The following RSRC1 variants were observed in gnomAD, a reference collection of about 807,000 sequenced individuals.
The protein encoded by RSRC1 is arginine and serine rich coiled-coil 1.
RSRC1 carries 39 observed loss-of-function variants against 49.1 expected under a neutral mutation model. The observed-to-expected ratio is 0.79, with a 90% CI of 0.61 to 1.04. The LOEUF is 1.04. RSRC1 is among the 50% of genes least tolerant of loss of function. The pLI is 0.00. For missense variants in RSRC1, 388 were observed against 402.4 expected (o/e 0.96, Z 0.31); for synonymous variants, 143 against 130.8 (o/e 1.09, Z -0.63).
At chr3:158,248,840 C>T (rs1395645866) in intron 4 of RSRC1, among the ~76,000 whole-genome samples, 11 of 151,802 alleles carry the variant, frequency 7.2e-5, no homozygotes, top group African/African-American at 2.4e-4. Flanking sequence ...TCAAGTGATC[C>T]GCCTGCCCAG....
intron 4 of RSRC1, among the ~76,000 whole-genome samples, chr3:158,277,161 T>G (rs1239527604): frequency 6.6e-6 from 1 of 152,226 alleles, no homozygotes; most frequent in Non-Finnish European, 1.5e-5. Flanking sequence ...CAACTTTGTG[T>G]AATTAAAATG....
At chr3:158,170,741 G>A (rs1198606301) in intron 3 of RSRC1, among the ~76,000 whole-genome samples, 2 of 152,158 alleles carry the variant, frequency 1.3e-5, no homozygotes, top group Non-Finnish European at 2.9e-5. Flanking sequence ...TATGGGGAAA[G>A]GAGATCCTGT....
rs548759510 is a variant in RSRC1 at position 158,127,010 on chromosome 3, CT to C, written c.320+3021del. 1.1e-4 allele frequency among the ~76,000 whole-genome samples: 17 copies of C among 152,160 alleles called. No individual in the cohort carries two copies. The South Asian group carries it at 2.7e-3, about 24-fold the overall frequency. On this transcript the variant is annotated intron_variant, in intron 3 of 9. Coordinates refer to ENST00000611884, the MANE Select transcript of RSRC1 (RefSeq NM_001271838.2). ...ATTGCTGAAATCTTATGAAAGCTCC[CT>C]TGTGTATGACGATTTACTTTTCTCT...
At chr3:158,345,910 G>A (rs975574333) in intron 5 of RSRC1, among the ~76,000 whole-genome samples, 1 of 150,482 alleles carries the variant, frequency 6.6e-6, no homozygotes, top group Non-Finnish European at 1.5e-5. Context: ...TCAGTTAAGT[G>A]GAAAAAAGAT....
At chr3:158,453,733 G>A (rs922410356) in intron 6 of RSRC1, among the ~76,000 whole-genome samples, 19 of 151,924 alleles carry the variant, frequency 1.3e-4, no homozygotes, top group African/African-American at 2.9e-4. Context: ...TTAATTCCCC[G>A]CAGAAAATTA....
chr3:158,258,727 A>G (rs769293351), intron 4 of RSRC1, among the ~76,000 whole-genome samples: 1 of 151,730 alleles, frequency 6.6e-6, no homozygotes, highest in Non-Finnish European at 1.5e-5. Flanking sequence ...GGTGTGCTTC[A>G]TGTTTTTTTA....
intron 7 of RSRC1, among the ~76,000 whole-genome samples, chr3:158,514,388 C>G (rs946349024): frequency 2.6e-5 from 4 of 152,304 alleles, no homozygotes; most frequent in South Asian, 2.1e-4. Flanking sequence ...AGCAGTCATT[C>G]AGGAGCAGTT....
intron 3 of RSRC1, among the ~76,000 whole-genome samples, chr3:158,198,490 T>C (rs934204544): frequency 6.6e-6 from 1 of 152,204 alleles, no homozygotes; most frequent in Non-Finnish European, 1.5e-5. Flanking sequence ...CCCATTTATA[T>C]TTAAGGTTAA....
chr3:158,433,736 A>G (rs901598496), intron 6 of RSRC1, among the ~76,000 whole-genome samples: 6 of 151,986 alleles, frequency 3.9e-5, no homozygotes, highest in Non-Finnish European at 7.4e-5. Flanking sequence ...TCTAAAAACA[A>G]TTCTAAAAAT....
At chr3:158,364,907 G>A (rs1422102871) in intron 6 of RSRC1, among the ~76,000 whole-genome samples, 1 of 150,632 alleles carries the variant, frequency 6.6e-6, no homozygotes, top group Non-Finnish European at 1.5e-5. Flanking sequence ...AGAGAGATTG[G>A]GAATGGGAAT....
intron 6 of RSRC1, among the ~76,000 whole-genome samples, chr3:158,413,144 C>A (rs535424427): frequency 3.2e-4 from 49 of 152,182 alleles, no homozygotes; most frequent in African/African-American, 1.2e-3. Flanking sequence ...AATACAGACA[C>A]ATAGACCAAT....
chr3:158,338,436 A>G (rs1424420663), intron 5 of RSRC1, among the ~76,000 whole-genome samples: 2 of 152,230 alleles, frequency 1.3e-5, no homozygotes, highest in Non-Finnish European at 2.9e-5. Context: ...AGATAGAATT[A>G]TAGTAACTGT....
chr3:158,414,093 A>T (rs998277481), intron 6 of RSRC1, among the ~76,000 whole-genome samples: 1 of 152,216 alleles, frequency 6.6e-6, no homozygotes, highest in Non-Finnish European at 1.5e-5. Context: ...ATAAAGATAC[A>T]TGCACATGTA....
chr3:158,412,435 T>G (rs1005900910), intron 6 of RSRC1, among the ~76,000 whole-genome samples: 1 of 152,192 alleles, frequency 6.6e-6, no homozygotes, highest in Non-Finnish European at 1.5e-5. Context: ...AAGACTCACT[T>G]CAAGTGTCAC....
intron 3 of RSRC1, among the ~76,000 whole-genome samples, chr3:158,178,303 A>T (rs1245735618): frequency 5.3e-5 from 8 of 151,780 alleles, no homozygotes; most frequent in Admixed American, 2.0e-4. Flanking sequence ...CACGCCCAGC[A>T]AATTTTTGTA....
At chr3:158,426,194 G>A (rs1735429751) in intron 6 of RSRC1, among the ~76,000 whole-genome samples, 1 of 151,544 alleles carries the variant, frequency 6.6e-6, no homozygotes, top group Non-Finnish European at 1.5e-5. Flanking sequence ...ACAAGACAAA[G>A]TATTTAAAAA....
At chr3:158,288,967 A>T (rs1002840528) in intron 4 of RSRC1, among the ~76,000 whole-genome samples, 1 of 151,488 alleles carries the variant, frequency 6.6e-6, no homozygotes, top group Non-Finnish European at 1.5e-5. Flanking sequence ...CATAGATACC[A>T]TATTTTTTCT....
At chr3:158,328,569 C>T (rs963517660) in intron 5 of RSRC1, among the ~76,000 whole-genome samples, 1 of 152,214 alleles carries the variant, frequency 6.6e-6, no homozygotes, top group Admixed American at 6.5e-5. Context: ...CCCCCACTCT[C>T]TTCTGGCTTG....
At chr3:158,400,184 T>G (rs572029477) in intron 6 of RSRC1, among the ~76,000 whole-genome samples, 93 of 152,180 alleles carry the variant, frequency 6.1e-4, no homozygotes, top group African/African-American at 2.0e-3. Context: ...AGCTGAAAAA[T>G]TCCTATGGCC....
Sources: allele counts gnomAD v4.1 joint callset (sites outside exome capture counted in the v4.1 genomes callset), GRCh38; gene constraint gnomAD v4.1.1; transcripts MANE v1.5; gene names NCBI Gene and HGNC (gene_info 2026-07-23, HGNC 2026-07-21).